The following KIRREL3 variants were observed in gnomAD, a reference collection of about 807,000 sequenced individuals.
KIRREL3 encodes the protein kirre like nephrin family adhesion molecule 3.
A neutral mutation model predicts 89.7 loss-of-function variants in KIRREL3; 36 were observed. That is an observed-to-expected ratio of 0.40 (90% CI 0.31 to 0.53). The LOEUF is 0.53. Among genes scored for constraint, KIRREL3 ranks in the 20% least tolerant of loss-of-function variants. The pLI is 0.49. For synonymous variants in KIRREL3, 445 were observed against 441.4 expected, an observed-to-expected ratio of 1.01 and a Z score of -0.10; for missense variants, 864 against 1,056.6, an observed-to-expected ratio of 0.82 and a Z score of 2.53.
intron 1 of KIRREL3, among the ~76,000 whole-genome samples, chr11:126,964,450 G>C (rs1047287695): frequency 1.1e-4 from 16 of 152,148 alleles, no homozygotes; most frequent in Admixed American, 1.0e-3. Context: ...AGTTTGCCTA[G>C]TCTGCACTTT....
intron 4 of KIRREL3, among the ~76,000 whole-genome samples, chr11:126,512,685 C>G (rs1958263266): frequency 6.6e-6 from 1 of 152,182 alleles, no homozygotes; most frequent in African/African-American, 2.4e-5. Flanking sequence ...TCTCCACAGT[C>G]TGAGCTCACT....
intron 1 of KIRREL3, among the ~76,000 whole-genome samples, chr11:126,894,102 T>C (rs554938729): frequency 6.6e-6 from 1 of 152,344 alleles, no homozygotes; most frequent in African/African-American, 2.4e-5. Context: ...CTCGTCCTGT[T>C]GGGGTGGCCC....
intron 6 of KIRREL3, among the ~76,000 whole-genome samples, chr11:126,457,395 GTA>G (rs1434893172): frequency 6.6e-6 from 1 of 151,450 alleles, no homozygotes; most frequent in East Asian, 1.9e-4. Context: ...GCGTGTGTGT[GTA>G]TGTGTGTATG....
chr11:126,861,699 A>G (rs564388318), intron 1 of KIRREL3, among the ~76,000 whole-genome samples: 1 of 152,232 alleles, frequency 6.6e-6, no homozygotes, highest in Non-Finnish European at 1.5e-5. Flanking sequence ...AGCTATGCAA[A>G]TGTACGCTGG....
chr11:126,447,708 G>A (rs546432977), intron 8 of KIRREL3, among the ~76,000 whole-genome samples: 2 of 152,302 alleles, frequency 1.3e-5, no homozygotes, highest in South Asian at 2.1e-4. Context: ...GGGTCCGACC[G>A]TGGCCAGGCA....
At chr11:126,793,199 G>A (rs1950701423) in intron 1 of KIRREL3, among the ~76,000 whole-genome samples, 1 of 151,600 alleles carries the variant, frequency 6.6e-6, no homozygotes, top group South Asian at 2.1e-4. Context: ...AACAGGCCAG[G>A]GCATGTAAAA....
chr11:126,759,567 T>C (rs948440241), intron 1 of KIRREL3, among the ~76,000 whole-genome samples: 2 of 152,222 alleles, frequency 1.3e-5, no homozygotes, highest in African/African-American at 4.8e-5. Context: ...TCTGTGGAGA[T>C]CATTAGACAA....
At chr11:126,786,890 TCTGC>T (rs1270893752) in intron 1 of KIRREL3, among the ~76,000 whole-genome samples, 3 of 151,868 alleles carry the variant, frequency 2.0e-5, no homozygotes, top group African/African-American at 7.3e-5. Flanking sequence ...AGATGGAGAG[TCTGC>T]AGGAAGGGAG....
Position 126,747,342 on chromosome 11 carries a change from C to T in KIRREL3, c.56-184430G>A, listed in dbSNP as rs1217664048. ...ATAGAGCTCTTTGCTCATTATCTAG[C>T]GTAGCGTAAGTCCTCCATACTGAAA... On this transcript the variant is annotated intron_variant, in intron 1 of 16. Transcript: ENST00000525144. This position sits in a 1 kb window ranked among gnomAD's most constrained non-coding sequence, Gnocchi z 4.7. Among the ~76,000 whole-genome samples, 11 of 152,314 alleles carry T rather than the reference C, an allele frequency of 7.2e-5. No individual in the cohort carries two copies. The highest frequency in any genetic ancestry group is 8.8e-5 in the Non-Finnish European group (6 of 68,016).
rs1209841612 is a variant in KIRREL3, at chr11:126,527,165, G to C, written c.134-478C>G. ...GGCTTTGGTTAAACCTGAGAATTCA[G>C]GAAATCATTTTGTTGTTTCAGTGGC... On this transcript the variant is annotated intron_variant, in intron 2 of 16. Coordinates refer to ENST00000525144, the MANE Select transcript of KIRREL3 (RefSeq NM_032531.4). This position sits in a 1 kb window ranked among gnomAD's most constrained non-coding sequence, Gnocchi z 4.2. Among the ~76,000 whole-genome samples the C allele has an allele frequency of 6.6e-6, 1 of 152,198 alleles. No individual in the cohort carries two copies. The highest frequency in any genetic ancestry group is 1.5e-5 in the Non-Finnish European group (1 of 68,044).
intron 1 of KIRREL3, among the ~76,000 whole-genome samples, chr11:126,619,792 A>G (rs1018106532): frequency 5.9e-5 from 9 of 152,154 alleles, no homozygotes; most frequent in African/African-American, 1.7e-4. Flanking sequence ...CTTTTTACTC[A>G]AGAATTACTT....
rs892584451 is a variant in KIRREL3, at chr11:126,755,181, G to A, written c.56-192269C>T. Among the ~76,000 whole-genome samples the A allele has an allele frequency of 6.6e-6, 1 of 152,164 alleles. No individual in the cohort carries two copies. The highest frequency in any genetic ancestry group is 1.5e-5 in the Non-Finnish European group (1 of 68,038). Reference sequence around the variant, plus strand: ...TTAGTAGTAAGTCAATAAGTCTGTGGCCCAAAGGTAGGGCATTAAGTAACC... The same window carrying A: ...TTAGTAGTAAGTCAATAAGTCTGTGACCCAAAGGTAGGGCATTAAGTAACC... On this transcript the variant is annotated intron_variant, in intron 1 of 16. Transcript: ENST00000525144. This position sits in a 1 kb window ranked among gnomAD's most constrained non-coding sequence, Gnocchi z 4.3.
chr11:126,958,503 G>T (rs1410847366), intron 1 of KIRREL3, among the ~76,000 whole-genome samples: 1 of 152,166 alleles, frequency 6.6e-6, no homozygotes, highest in Non-Finnish European at 1.5e-5. Flanking sequence ...CTCAGCACTT[G>T]GGTCAGCCCC....
chr11:126,512,037 G>T (rs547995582), intron 4 of KIRREL3, among the ~76,000 whole-genome samples: 53 of 152,238 alleles, frequency 3.5e-4, no homozygotes, highest in African/African-American at 1.3e-3. Context: ...GGGACTGGCT[G>T]GCCTGCCCCT....
At chr11:126,618,840 C>T (rs142125081) in intron 1 of KIRREL3, among the ~76,000 whole-genome samples, 2 of 152,346 alleles carry the variant, frequency 1.3e-5, no homozygotes, top group East Asian at 3.9e-4. Flanking sequence ...ACTTGAATCA[C>T]CCTCCTCTAC....
rs1471870555 is a variant in KIRREL3, at chr11:126,475,179, C to G, written c.434-1713G>C. Among the ~76,000 whole-genome samples, 2 of 152,222 alleles carry G rather than the reference C, an allele frequency of 1.3e-5. No individual in the cohort carries two copies. Among genetic ancestry groups the G allele is most frequent in the African/African-American group, 2.4e-5 (1 of 41,460 alleles). On this transcript the variant is annotated intron_variant, in intron 4 of 16. Coordinates refer to ENST00000525144, the MANE Select transcript of KIRREL3 (RefSeq NM_032531.4). This position sits in a 1 kb window ranked among gnomAD's most constrained non-coding sequence, Gnocchi z 7.5. ...CTGGTGGCCAGAGAAGCCCGCCCTT[C>G]TATGCAGGCTCTGTGCTCGGGGCTC...
At position 126,587,063 on chromosome 11, in the gene KIRREL3, A is replaced by G. The variant is rs965414944; in HGVS notation, c.56-24151T>C. On this transcript the variant is annotated intron_variant, in intron 1 of 16. Transcript: ENST00000525144. This position sits in a 1 kb window ranked among gnomAD's most constrained non-coding sequence, Gnocchi z 5.2. ...TCAGGGAGCTGGGAGTCAGTGGGAG[A>G]GATGAATAAACAGGCAACGACGATG... 3.9e-5 allele frequency among the ~76,000 whole-genome samples: 6 copies of G among 152,114 alleles called. No homozygotes were observed. Among genetic ancestry groups the G allele is most frequent in the African/African-American group, 1.4e-4 (6 of 41,410 alleles).
intron 11 of KIRREL3, among the ~76,000 whole-genome samples, chr11:126,439,336 G>C (rs962551954): frequency 2.7e-4 from 41 of 150,424 alleles, no homozygotes; most frequent in African/African-American, 9.5e-4. Context: ...TCTCAAAAAA[G>C]AAAGAGGGAA....
At chr11:126,731,385 GCTTA>G (rs1948611500) in intron 1 of KIRREL3, among the ~76,000 whole-genome samples, 1 of 152,178 alleles carries the variant, frequency 6.6e-6, no homozygotes, top group Admixed American at 6.5e-5. Flanking sequence ...TTGGGTCAGA[GCTTA>G]CTTAGTCCTT....
Sources: gnomAD v4.1 joint callset for allele counts (sites outside exome capture counted in the v4.1 genomes callset) on GRCh38, gnomAD v4.1.1 for gene constraint, Gnocchi (gnomAD v3.1) non-coding constraint, MANE v1.5 for transcripts, NCBI Gene and HGNC (gene_info 2026-07-23, HGNC 2026-07-21) for gene names.